FBXO10: variants seen among roughly 807,000 people sequenced by gnomAD.
FBXO10 encodes the protein F-box only protein 10.
FBXO10 carries 39 observed loss-of-function variants against 80.7 expected under a neutral mutation model. That is an observed-to-expected ratio of 0.48 (90% CI 0.37 to 0.63). FBXO10 has a LOEUF of 0.63. Ranked by LOEUF, FBXO10 falls within the 30% of genes least tolerant of loss-of-function variation. The pLI, the probability that FBXO10 is intolerant of heterozygous loss-of-function variation, is 0.00. For missense variants in FBXO10, 1,025 were observed against 1,269.0 expected (o/e 0.81, Z 2.92); for synonymous variants, 449 against 489.6 (o/e 0.92, Z 1.09).
intron 1 of FBXO10, among the ~76,000 whole-genome samples, chr9:37,544,948 C>T (rs867934674): frequency 1.9e-4 from 27 of 140,968 alleles, no homozygotes; most frequent in South Asian, 9.2e-4. Flanking sequence ...GAGCGGAGAT[C>T]GCGCCACTGC....
At chr9:37,513,159 A>G (rs1256836191) in intron 10 of FBXO10, among the ~76,000 whole-genome samples, 1 of 151,974 alleles carries the variant, frequency 6.6e-6, no homozygotes, top group East Asian at 1.9e-4. Flanking sequence ...AAGGATCTGG[A>G]TAAGATCATA....
chr9:37,544,268 C>T (rs992343196), intron 1 of FBXO10, among the ~76,000 whole-genome samples: 3 of 152,014 alleles, frequency 2.0e-5, no homozygotes, highest in Non-Finnish European at 4.4e-5. Flanking sequence ...GACTCTGTCT[C>T]AAAACAAAAC....
chr9:37,550,621 A>T (rs910132332), intron 1 of FBXO10, among the ~76,000 whole-genome samples: 1 of 151,522 alleles, frequency 6.6e-6, no homozygotes, highest in African/African-American at 2.4e-5. Context: ...CTGGGACTAC[A>T]GGCCTGCACC....
Position 37,522,578 on chromosome 9 carries a change from C to T in FBXO10, c.1930+247G>A, listed in dbSNP as rs868652029. ...CCTTAAGACATGACACAACTCCTGT[C>T]TTTTGCTATTTTAAAAGGGGATAAA... On this transcript the variant is annotated intron_variant, in intron 7 of 10. Transcript: ENST00000432825. 21 of 1,289,152 alleles carry T rather than the reference C, an allele frequency of 1.6e-5. No homozygotes were observed. The Middle Eastern group carries it at 3.0e-3, about 183-fold the overall frequency. The allele number at this position is 1,289,152 out of a possible 1,614,324, so 79.9% of individuals were successfully genotyped here.
At position 37,518,302 on chromosome 9, in the gene FBXO10, G is replaced by A. The variant is rs772422694; in HGVS notation, c.2337C>T (p.Asn779=). The part of the protein sequence containing the change: ...TRVANNSISC[N]RQSGVKVEAQ... ...CCTCAACCTTGACCCCACTTTGCCG[G>A]TTGCAGGAGATGCTGTTGTTGGCCA... The change falls in exon 9 of 11, where the codon AAC becomes AAT. Residue 779 remains asparagine (N), a synonymous_variant. Coordinates refer to ENST00000432825, the MANE Select transcript of FBXO10 (RefSeq NM_012166.3). The A allele has an allele frequency of 1.2e-6, 2 of 1,614,080 alleles. No individual in the cohort carries two copies. Among genetic ancestry groups the A allele is most frequent in the Non-Finnish European group, 1.7e-6 (2 of 1,179,914 alleles).
chr9:37,555,395 C>T (rs1428245367), intron 1 of FBXO10, among the ~76,000 whole-genome samples: 1 of 151,088 alleles, frequency 6.6e-6, no homozygotes, highest in African/African-American at 2.4e-5. Context: ...TTTTTTCAGA[C>T]GGAGTTTTGC....
chr9:37,533,568 A>T (rs921660470), intron 3 of FBXO10, among the ~76,000 whole-genome samples: 2 of 151,218 alleles, frequency 1.3e-5, no homozygotes, highest in Admixed American at 6.6e-5. Flanking sequence ...AAATTGAATT[A>T]AAAAAAACAA....
chr9:37,552,770 G>A (rs138445210), intron 1 of FBXO10, among the ~76,000 whole-genome samples: 2,422 of 151,998 alleles, frequency 0.016, 64 homozygotes, highest in African/African-American at 0.055. Flanking sequence ...TCAAGGTGCT[G>A]GCACCTGGTG....
intron 2 of FBXO10, among the ~76,000 whole-genome samples, chr9:37,539,395 T>C (rs1821860145): frequency 1.3e-5 from 2 of 152,216 alleles, no homozygotes; most frequent in Non-Finnish European, 2.9e-5. Context: ...CAGGCCCCCA[T>C]GTCTCCTTTA....
chr9:37,575,003 CTG>C, intron 1 of FBXO10, among the ~76,000 whole-genome samples: 1 of 152,204 alleles, frequency 6.6e-6, no homozygotes, highest in Non-Finnish European at 1.5e-5. Context: ...TGCCAGCACT[CTG>C]TTGGGTCCTG....
intron 1 of FBXO10, among the ~76,000 whole-genome samples, chr9:37,555,451 G>A (rs555637268): frequency 9.3e-5 from 14 of 151,316 alleles, no homozygotes; most frequent in African/African-American, 1.5e-4. Context: ...TCGGCTCACC[G>A]CAACCTCCAA....
intron 4 of FBXO10, among the ~76,000 whole-genome samples, chr9:37,530,157 A>G (rs1399854650): frequency 6.6e-6 from 1 of 152,200 alleles, no homozygotes. Flanking sequence ...ACTCTAAGTT[A>G]ATTTATAGCT....
At chr9:37,531,865 T>C (rs748585845) in intron 4 of FBXO10, 44 bp downstream of exon 4, 8 of 1,603,342 alleles carry the variant, frequency 5.0e-6, no homozygotes, top group Admixed American at 1.7e-5. Context: ...AAATGGTTTC[T>C]GAAAACCAAG....
chr9:37,536,525 G>C (rs1003649621), intron 3 of FBXO10, among the ~76,000 whole-genome samples: 3 of 152,094 alleles, frequency 2.0e-5, no homozygotes, highest in African/African-American at 7.2e-5. Context: ...TCCAGGTCTG[G>C]GTAAGGTAGC....
chr9:37,531,992 C>T lies in FBXO10; in HGVS notation c.1486G>A (p.Gly496Ser), dbSNP rs773100572. The T allele has an allele frequency of 2.7e-5, 43 of 1,613,858 alleles. No homozygotes were observed. Among genetic ancestry groups the T allele is most frequent in the Non-Finnish European group, 3.1e-5 (36 of 1,179,876 alleles). The part of the protein sequence containing the change: ...ASGIFLRLEG[G>S]GLIAGNNIYH... ...ATGTTGTTGCCGGCAATCAAGCCACCGCCCTCCAAGCGAAGAAAGATGCCT... is the reference window on the plus strand; with the variant it reads ...ATGTTGTTGCCGGCAATCAAGCCACTGCCCTCCAAGCGAAGAAAGATGCCT... The change falls in exon 4 of 11, where the codon GGT (glycine) becomes AGT (serine). Residue 496 changes from glycine (G) to serine (S), a missense_variant. Around this residue, in one of 3 missense-constraint regions of FBXO10, gnomAD observed 478 missense variants for 667.8 expected, o/e 0.72. Transcript: ENST00000432825.
chr9:37,541,851 G>T, intron 1 of FBXO10, 77 bp from the exon 2 acceptor site: 1 of 1,223,704 alleles, frequency 8.2e-7, no homozygotes, highest in Non-Finnish European at 1.1e-6. Flanking sequence ...TTTTTGAGAT[G>T]GAGTTTCACT....
At chr9:37,519,099 CAT>C (rs1396451370) in intron 8 of FBXO10, among the ~76,000 whole-genome samples, 3 of 152,042 alleles carry the variant, frequency 2.0e-5, no homozygotes, top group Non-Finnish European at 4.4e-5. Flanking sequence ...TTAGTAGAGA[CAT>C]GGTTTCACCG....
intron 1 of FBXO10, among the ~76,000 whole-genome samples, chr9:37,547,717 G>A (rs1230838923): frequency 6.6e-6 from 1 of 152,206 alleles, no homozygotes; most frequent in Non-Finnish European, 1.5e-5. Context: ...CCAGCACTTT[G>A]GGAAGCTGAG....
At chr9:37,541,836 T>C (rs1480249900) in intron 1 of FBXO10, 62 bp from the exon 2 acceptor site, 2 of 1,386,592 alleles carry the variant, frequency 1.4e-6, no homozygotes, top group African/African-American at 2.9e-5. Context: ...TCCCCCTTTT[T>C]TATTTTTTTG....
Sources: gnomAD v4.1 joint callset for allele counts (sites outside exome capture counted in the v4.1 genomes callset) on GRCh38, gnomAD v4.1.1 for gene constraint, gnomAD v4.1.1 regional missense constraint, MANE v1.5 for transcripts, NCBI Gene and HGNC (gene_info 2026-07-23, HGNC 2026-07-21) for gene names.